Variants in CCDC88A observed in about 807,000 individuals in gnomAD.
CCDC88A encodes the protein girdin.
CCDC88A carries 54 observed loss-of-function variants against 234.3 expected under a neutral mutation model. The observed-to-expected ratio is 0.23, with a 90% CI of 0.19 to 0.29. CCDC88A has a LOEUF of 0.29. Among genes scored for constraint, CCDC88A ranks in the 10% least tolerant of loss-of-function variants. The pLI is 1.00. For missense variants in CCDC88A, 1,832 were observed against 2,123.4 expected (o/e 0.86, Z 2.70); for synonymous variants, 753 against 737.8 (o/e 1.02, Z -0.33).
At chr2:55,313,133 A>G (rs1235143136) in intron 22 of CCDC88A, 1 of 152,282 alleles carries the variant, frequency 6.6e-6, no homozygotes, top group Non-Finnish European at 1.5e-5. Context: ...GTGCAATAGC[A>G]TGATTTCGGC....
chr2:55,408,710 C>G (rs1679996204), intron 2 of CCDC88A, among the ~76,000 whole-genome samples: 1 of 152,196 alleles, frequency 6.6e-6, no homozygotes, highest in South Asian at 2.1e-4. Flanking sequence ...CTCATGGCTG[C>G]TCTGCCTGTG....
chr2:55,322,793 G>T, intron 17 of CCDC88A, 101 bp from the exon 18 acceptor site: 1 of 517,818 alleles, frequency 1.9e-6, no homozygotes, highest in Non-Finnish European at 3.3e-6. Flanking sequence ...GAATACGAAA[G>T]GCAATTTACT....
chr2:55,418,393 A>AT (rs1681819664), intron 2 of CCDC88A: 1 of 166,024 alleles, frequency 6.0e-6, no homozygotes, highest in South Asian at 1.6e-4. Flanking sequence ...CGAGTTTCAA[A>AT]TTTTGAGCCA....
At chr2:55,311,205 C>G (rs972272651) in intron 23 of CCDC88A, among the ~76,000 whole-genome samples, 4 of 152,122 alleles carry the variant, frequency 2.6e-5, no homozygotes, top group African/African-American at 9.7e-5. Flanking sequence ...CTTTTGAAAG[C>G]AAGTAAAGGA....
intron 19 of CCDC88A, among the ~76,000 whole-genome samples, chr2:55,318,423 G>A (rs1422867033): frequency 1.3e-5 from 2 of 152,120 alleles, no homozygotes; most frequent in South Asian, 2.1e-4. Flanking sequence ...AGACACTGGC[G>A]GTGTTAAGTG....
intron 2 of CCDC88A, among the ~76,000 whole-genome samples, chr2:55,409,500 T>C (rs1172056263): frequency 6.6e-6 from 1 of 152,190 alleles, no homozygotes; most frequent in Non-Finnish European, 1.5e-5. Context: ...TCCCCCTTAT[T>C]GTGGGCAAAG....
At chr2:55,365,276 C>T (rs1316070642) in intron 5 of CCDC88A, among the ~76,000 whole-genome samples, 1 of 151,952 alleles carries the variant, frequency 6.6e-6, no homozygotes, top group Non-Finnish European at 1.5e-5. Context: ...CTTGACAGGC[C>T]TTGTAAGAAC....
chr2:55,358,889 C>T lies in CCDC88A; in HGVS notation c.628-3138G>A, dbSNP rs185420306. On this transcript the variant is annotated intron_variant, in intron 7 of 32. Coordinates refer to ENST00000436346, the MANE Select transcript of CCDC88A (RefSeq NM_001365480.1). ...AGCATGCTCATCCCAACTTCCCTAT[C>T]TCTCTGTGAGTAGTGTTATTAATCT... 5.8e-4 allele frequency among the ~76,000 whole-genome samples: 88 copies of T among 152,250 alleles called. 3 individuals are homozygous for T. In the East Asian group the frequency reaches 0.017, roughly 29 times the overall value.
intron 3 of CCDC88A, among the ~76,000 whole-genome samples, chr2:55,378,884 T>C (rs866889788): frequency 3.2e-4 from 49 of 152,188 alleles, no homozygotes; most frequent in African/African-American, 1.2e-3. Context: ...TCGCTGGAAT[T>C]ACAGGTGCCC....
rs1363775011 is a variant in CCDC88A, at chr2:55,291,060, A to C, written c.*140T>G. 1.3e-5 allele frequency: 2 copies of C among 152,588 alleles called. No individual in the cohort carries two copies. The highest frequency in any genetic ancestry group is 2.9e-5 in the Non-Finnish European group (2 of 67,962). The allele number at this position is 152,588 out of a possible 1,614,324, so 9.5% of individuals were successfully genotyped here. On this transcript the variant is annotated 3_prime_UTR_variant, in exon 33 of 33. Transcript: ENST00000436346. ...CTGCTCTATTCACGAAGGACTGTTA[A>C]AAGTCTCCTTAAAGATTTTTAAAAA... is the stretch of plus-strand genomic sequence containing the variant.
chr2:55,293,066 T>C (rs572537545), intron 31 of CCDC88A, among the ~76,000 whole-genome samples: 2 of 151,672 alleles, frequency 1.3e-5, no homozygotes, highest in Admixed American at 6.6e-5. Flanking sequence ...GGGTAGGAAA[T>C]AGTTCTTTTC....
intron 22 of CCDC88A, chr2:55,314,366 T>C (rs181358378): frequency 2.7e-4 from 41 of 152,342 alleles, no homozygotes; most frequent in African/African-American, 7.9e-4. Flanking sequence ...TCAGTGTCAA[T>C]AGACAACTGA....
At chr2:55,314,917 T>C (rs1319755059) in intron 22 of CCDC88A, 2 of 152,210 alleles carry the variant, frequency 1.3e-5, no homozygotes, top group African/African-American at 2.4e-5. Flanking sequence ...CTAAATCATG[T>C]CATTATATGA....
chr2:55,386,875 G>A (rs562603198), intron 3 of CCDC88A, among the ~76,000 whole-genome samples: 5 of 151,922 alleles, frequency 3.3e-5, no homozygotes, highest in Admixed American at 2.0e-4. Flanking sequence ...AAAACATGCA[G>A]CTTGAGCTAA....
chr2:55,323,099 G>T (rs959204227), intron 17 of CCDC88A: 2 of 152,810 alleles, frequency 1.3e-5, no homozygotes, highest in African/African-American at 4.8e-5. Flanking sequence ...GGATTTTTTA[G>T]TTCTGAGTTG....
Position 55,388,439 on chromosome 2 carries a change from GT to G in CCDC88A, c.273+338del, listed in dbSNP as rs368526327. 7.1e-3 allele frequency: 425 copies of G among 60,268 alleles called. 1 individual carries two copies. Among genetic ancestry groups the G allele is most frequent in the Non-Finnish European group, 9.5e-3 (206 of 21,668 alleles). The allele number at this position is 60,268 out of a possible 1,614,324, so 3.7% of individuals were successfully genotyped here. ...AAACGAAAATATGCATCCAATTCAG[GT>G]TTTTTTTTTAAAAAAAATGGAAGTA... On this transcript the variant is annotated intron_variant, in intron 3 of 32. Coordinates refer to ENST00000436346, the MANE Select transcript of CCDC88A (RefSeq NM_001365480.1).
intron 8 of CCDC88A, 123 bp from the exon 9 acceptor site, chr2:55,349,722 T>A: frequency 1.8e-6 from 1 of 555,836 alleles, no homozygotes; most frequent in Non-Finnish European, 3.0e-6. Context: ...GCCATAACCC[T>A]AATCTAGAAG....
chr2:55,371,376 C>T (rs1199163504), intron 5 of CCDC88A, among the ~76,000 whole-genome samples: 1 of 152,060 alleles, frequency 6.6e-6, no homozygotes, highest in East Asian at 1.9e-4. Context: ...CATATAATTT[C>T]TGTTATATGT....
intron 22 of CCDC88A, chr2:55,312,971 C>T (rs1558648586): frequency 1.2e-5 from 2 of 163,358 alleles, no homozygotes; most frequent in Non-Finnish European, 2.7e-5. Flanking sequence ...TAGCTCCCAC[C>T]CAACAAGGCT....
Sources: gnomAD v4.1 joint callset for allele counts (sites outside exome capture counted in the v4.1 genomes callset) on GRCh38, gnomAD v4.1.1 for gene constraint, MANE v1.5 for transcripts, NCBI Gene and HGNC (gene_info 2026-07-23, HGNC 2026-07-21) for gene names.